Variants in MCC observed in about 807,000 individuals in gnomAD.
MCC encodes colorectal mutant cancer protein.
A neutral mutation model predicts 116.2 loss-of-function variants in MCC; 90 were observed. That is an observed-to-expected ratio of 0.77 (90% confidence interval 0.65 to 0.92). The LOEUF is 0.92. Ranked by LOEUF, MCC falls within the 40% of genes least tolerant of loss-of-function variation. MCC has a pLI of 0.00. For missense variants in MCC, 1,516 were observed against 1,312.2 expected (o/e 1.16, Z -2.40); for synonymous variants, 578 against 510.5 (o/e 1.13, Z -1.78).
chr5:113,030,806 G>A (rs1387773661), intron 17 of MCC, among the ~76,000 whole-genome samples: 2 of 152,244 alleles, frequency 1.3e-5, no homozygotes, highest in African/African-American at 4.8e-5. Context: ...ATCTGACACT[G>A]TAATAAGACT....
chr5:113,153,400 G>C (rs1364188729), intron 3 of MCC, among the ~76,000 whole-genome samples: 1 of 152,174 alleles, frequency 6.6e-6, no homozygotes, highest in Admixed American at 6.5e-5. Flanking sequence ...GACACACACA[G>C]AGTACTTACT....
intron 17 of MCC, 121 bp from the exon 18 acceptor site, chr5:113,029,177 G>A: frequency 1.1e-6 from 1 of 931,466 alleles, no homozygotes; most frequent in Non-Finnish European, 1.5e-6. Flanking sequence ...AGGCAAGGGA[G>A]AGAAAAGATA....
chr5:113,458,089 T>A (rs187453625), intron 1 of MCC, among the ~76,000 whole-genome samples: 2 of 152,144 alleles, frequency 1.3e-5, no homozygotes, highest in East Asian at 3.9e-4. Context: ...GGGATGTGGG[T>A]GGGGCCAGAT....
chr5:113,282,092 G>A (rs749832572), intron 3 of MCC, among the ~76,000 whole-genome samples: 11 of 152,082 alleles, frequency 7.2e-5, no homozygotes, highest in African/African-American at 1.2e-4. Context: ...AACCTTCCCC[G>A]CATCACCTAG....
intron 1 of MCC, among the ~76,000 whole-genome samples, chr5:113,401,224 C>G (rs1769677878): frequency 6.6e-6 from 1 of 152,016 alleles, no homozygotes; most frequent in South Asian, 2.1e-4. Context: ...CAATTGCACC[C>G]AATTTCTTTC....
At position 113,247,820 on chromosome 5, in the gene MCC, G is replaced by A. The variant is rs1283425816; in HGVS notation, c.627+92699C>T. Among the ~76,000 whole-genome samples, 2 of 152,176 alleles carry A rather than the reference G, an allele frequency of 1.3e-5. 1 individual carries two copies. Among genetic ancestry groups the A allele is most frequent in the East Asian group, 3.9e-4 (2 of 5,194 alleles). ...GAGAATGGTGTCACCATAACCAGAG[G>A]GAGGGATGATAGACGGCAGCAGGGG... On this transcript the variant is annotated intron_variant, in intron 3 of 18. Transcript: ENST00000408903.
At chr5:113,197,030 G>A (rs1192572883) in intron 3 of MCC, among the ~76,000 whole-genome samples, 2 of 152,170 alleles carry the variant, frequency 1.3e-5, no homozygotes, top group South Asian at 2.1e-4. Context: ...TTCTGGAAAT[G>A]TAAGATGTAT....
At chr5:113,421,503 TA>T (rs1352041471) in intron 1 of MCC, among the ~76,000 whole-genome samples, 2 of 152,206 alleles carry the variant, frequency 1.3e-5, no homozygotes, top group Non-Finnish European at 2.9e-5. Context: ...TCACACATAT[TA>T]AGACTTTCCT....
intron 2 of MCC, among the ~76,000 whole-genome samples, chr5:113,378,529 T>G (rs1054749419): frequency 6.6e-6 from 1 of 152,210 alleles, no homozygotes; most frequent in African/African-American, 2.4e-5. Flanking sequence ...AAACAATGTT[T>G]TACAACTACG....
At chr5:113,292,699 A>G (rs1766550405) in intron 3 of MCC, among the ~76,000 whole-genome samples, 1 of 152,182 alleles carries the variant, frequency 6.6e-6, no homozygotes, top group East Asian at 1.9e-4. Flanking sequence ...TCAGGGTTCT[A>G]GCCCCCCCTT....
intron 5 of MCC, 120 bp from the exon 6 acceptor site, chr5:113,122,946 C>G: frequency 9.9e-7 from 1 of 1,008,024 alleles, no homozygotes; most frequent in South Asian, 1.6e-5. Flanking sequence ...TCCCCCAGGC[C>G]ACAGGGACCA....
chr5:113,049,011 G>T, intron 16 of MCC, 82 bp downstream of exon 16: 1 of 1,301,172 alleles, frequency 7.7e-7, no homozygotes, highest in Non-Finnish European at 1.1e-6. Context: ...GCAGCAGGGC[G>T]GTGAGGTGTG....
intron 3 of MCC, among the ~76,000 whole-genome samples, chr5:113,309,032 G>T (rs1179205641): frequency 1.3e-5 from 2 of 152,080 alleles, no homozygotes; most frequent in Admixed American, 6.6e-5. Flanking sequence ...TTAAAATGAA[G>T]CCAGAGTCAA....
intron 1 of MCC, among the ~76,000 whole-genome samples, chr5:113,421,031 AT>A (rs151061254): frequency 2.7e-4 from 40 of 150,096 alleles, no homozygotes; most frequent in African/African-American, 7.3e-4. Context: ...TTATTTATTT[AT>A]TTTTTTTTTG....
chr5:113,404,486 T>C (rs1769778544), intron 1 of MCC, among the ~76,000 whole-genome samples: 1 of 152,182 alleles, frequency 6.6e-6, no homozygotes, highest in African/African-American at 2.4e-5. Flanking sequence ...AGATCTAGGA[T>C]ATAAAAGCAA....
At chr5:113,084,029 C>A in intron 10 of MCC, 72 bp downstream of exon 10, 1 of 1,177,688 alleles carries the variant, frequency 8.5e-7, no homozygotes, top group South Asian at 1.3e-5. Context: ...GGAAGTTCTT[C>A]TGTCATCTAT....
intron 4 of MCC, among the ~76,000 whole-genome samples, chr5:113,146,589 G>C (rs1158943995): frequency 6.6e-6 from 1 of 152,060 alleles, no homozygotes; most frequent in Non-Finnish European, 1.5e-5. Context: ...ACACAAGGGG[G>C]TGTAAAACAG....
At chr5:113,265,434 A>T (rs1207198696) in intron 3 of MCC, among the ~76,000 whole-genome samples, 1 of 152,128 alleles carries the variant, frequency 6.6e-6, no homozygotes, top group Admixed American at 6.5e-5. Flanking sequence ...AGCTTTCTCT[A>T]TGGGGCCACA....
intron 3 of MCC, among the ~76,000 whole-genome samples, chr5:113,179,416 T>G (rs1761499602): frequency 1.3e-5 from 2 of 152,246 alleles, no homozygotes; most frequent in South Asian, 4.1e-4. Context: ...GGAGAAGTAC[T>G]TCAGGCAGTG....
Sources: allele counts gnomAD v4.1 joint callset (sites outside exome capture counted in the v4.1 genomes callset), GRCh38; gene constraint gnomAD v4.1.1; transcripts MANE v1.5; gene names NCBI Gene and HGNC (gene_info 2026-07-23, HGNC 2026-07-21).